The following ROR2 variants were observed in gnomAD, a reference collection of about 807,000 sequenced individuals.
ROR2 encodes the protein tyrosine-protein kinase transmembrane receptor ROR2.
ROR2 carries 33 observed loss-of-function variants against 74.9 expected under a neutral mutation model. That is an observed-to-expected ratio of 0.44 (90% confidence interval 0.33 to 0.59). The LOEUF is 0.59. Among genes scored for constraint, ROR2 ranks in the 20% least tolerant of loss-of-function variants. The probability of loss-of-function intolerance (pLI) is 0.02; values close to 1 mark genes in which losing one functional copy is unlikely to be tolerated. For synonymous variants in ROR2, 586 were observed against 558.7 expected, an observed-to-expected ratio of 1.05 and a Z score of -0.69; for missense variants, 1,216 against 1,313.8, an observed-to-expected ratio of 0.93 and a Z score of 1.15.
chr9:91,912,642 G>T (rs1831024935), intron 1 of ROR2, among the ~76,000 whole-genome samples: 1 of 152,114 alleles, frequency 6.6e-6, no homozygotes, highest in Non-Finnish European at 1.5e-5. Context: ...AAGCTTAAGT[G>T]TTTTGGGAAA....
intron 1 of ROR2, among the ~76,000 whole-genome samples, chr9:91,899,651 G>A (rs1162605316): frequency 2.0e-5 from 3 of 152,086 alleles, no homozygotes; most frequent in Admixed American, 2.0e-4. Flanking sequence ...GGAGGAGGGG[G>A]CAGCTGGGAC....
In ROR2 at chr9:91,724,829, G is replaced by A; in HGVS notation, c.1665C>T (p.Tyr555=). ...KDQPLSMIFS[Y]CSHGDLHEFL... ...ATTCGTGGAGGTCGCCGTGCGAACA[G>A]TAGCTGAAGATCATGCTCAGGGGCT... Residue 555 remains tyrosine, a synonymous_variant, in exon 9 of 9, where the codon TAC becomes TAT. Transcript: ENST00000375708. 6.2e-7 allele frequency: 1 copy of A among 1,606,086 alleles called. No homozygotes were observed. Among genetic ancestry groups the A allele is most frequent in the Non-Finnish European group, 8.5e-7 (1 of 1,174,782 alleles).
chr9:91,814,384 C>T (rs1167844277), intron 1 of ROR2, among the ~76,000 whole-genome samples: 4 of 152,170 alleles, frequency 2.6e-5, no homozygotes, highest in Non-Finnish European at 5.9e-5. Flanking sequence ...TCTAGCCTCC[C>T]CTTACCCCAC....
In ROR2 at chr9:91,926,251, C is replaced by T. The variant is rs562443693; in HGVS notation, c.97+23616G>A. ...AAAAAAAAATTAGCAGGGCATGTGG[C>T]GGGCGCCTGTAGTCCCAGCTACTTG... On this transcript the variant is annotated intron_variant, in intron 1 of 8. Transcript: ENST00000375708. 3.9e-4 allele frequency among the ~76,000 whole-genome samples: 59 copies of T among 151,478 alleles called. No individual in the cohort carries two copies. In the South Asian group the frequency reaches 9.0e-3, roughly 23 times the overall value.
chr9:91,792,365 T>TGG (rs1827019060), intron 1 of ROR2, among the ~76,000 whole-genome samples: 1 of 121,966 alleles, frequency 8.2e-6, no homozygotes, highest in Non-Finnish European at 1.7e-5. Context: ...TGGAGTGCAG[T>TGG]AGTGCAATCT....
chr9:91,892,323 C>A (rs1468754465), intron 1 of ROR2, among the ~76,000 whole-genome samples: 1 of 152,190 alleles, frequency 6.6e-6, no homozygotes, highest in East Asian at 1.9e-4. Context: ...ATTCTGCCAT[C>A]GTCTGCAGAA....
At chr9:91,835,720 C>A (rs965938968) in intron 1 of ROR2, among the ~76,000 whole-genome samples, 4 of 152,194 alleles carry the variant, frequency 2.6e-5, no homozygotes, top group African/African-American at 9.7e-5. Context: ...GGAAAAGCTA[C>A]CACTACTTGC....
intron 4 of ROR2, among the ~76,000 whole-genome samples, chr9:91,751,953 A>C (rs1825607668): frequency 6.6e-6 from 1 of 152,252 alleles, no homozygotes; most frequent in South Asian, 2.1e-4. Context: ...TATTCAGAGG[A>C]AACTTTACAG....
At chr9:91,759,436 G>C (rs1825850466) in intron 2 of ROR2, among the ~76,000 whole-genome samples, 2 of 152,144 alleles carry the variant, frequency 1.3e-5, no homozygotes, top group African/African-American at 4.8e-5. Flanking sequence ...AAAGCTGGAA[G>C]GTCACTAAAA....
chr9:91,932,020 C>A (rs1422429150), intron 1 of ROR2, among the ~76,000 whole-genome samples: 1 of 152,024 alleles, frequency 6.6e-6, no homozygotes, highest in Non-Finnish European at 1.5e-5. Context: ...CTGAATTTTC[C>A]AGAAATAACA....
At chr9:91,918,251 G>GAAC (rs1554692165) in intron 1 of ROR2, among the ~76,000 whole-genome samples, 41,839 of 148,838 alleles carry the variant, frequency 0.28, 9,943 homozygotes, top group African/African-American at 0.64. Flanking sequence ...CTGGGCGACA[G>GAAC]GAGACTCGTC....
intron 1 of ROR2, among the ~76,000 whole-genome samples, chr9:91,851,444 T>C (rs913715408): frequency 2.4e-4 from 36 of 152,194 alleles, no homozygotes; most frequent in African/African-American, 8.7e-4. Context: ...CTTCTTTTGA[T>C]CTATTTGTCT....
intron 1 of ROR2, among the ~76,000 whole-genome samples, chr9:91,863,678 G>A (rs10992142): frequency 0.36 from 55,232 of 151,874 alleles, 11,254 homozygotes; most frequent in African/African-American, 0.52. Flanking sequence ...GCACGACTCC[G>A]TTTATATGAA....
chr9:91,834,091 G>A (rs1200046898), intron 1 of ROR2, among the ~76,000 whole-genome samples: 6 of 152,164 alleles, frequency 3.9e-5, no homozygotes, highest in Non-Finnish European at 8.8e-5. Context: ...AGTAAAAACA[G>A]GTCTCGGGTT....
chr9:91,879,602 A>G (rs1830049835), intron 1 of ROR2, among the ~76,000 whole-genome samples: 1 of 151,956 alleles, frequency 6.6e-6, no homozygotes, highest in Non-Finnish European at 1.5e-5. Context: ...TTTGATATAC[A>G]CTCACGCACT....
chr9:91,891,928 G>C (rs938216517), intron 1 of ROR2, among the ~76,000 whole-genome samples: 9 of 151,954 alleles, frequency 5.9e-5, no homozygotes, highest in Non-Finnish European at 1.2e-4. Flanking sequence ...GACACCTGTA[G>C]TCCCAGCTAC....
At chr9:91,892,608 T>C (rs1371137597) in intron 1 of ROR2, among the ~76,000 whole-genome samples, 15 of 113,720 alleles carry the variant, frequency 1.3e-4, no homozygotes, top group Non-Finnish European at 2.4e-4. Context: ...TTTTTTTTTT[T>C]CAGATGGAGT....
Position 91,804,225 on chromosome 9 carries a change from C to G in ROR2, c.98-28407G>C, listed in dbSNP as rs1383744029. ...CTATCAAGGCTAGCAGCAGGAATGGCAGGCTCAGGAACTGGCAGGAGGGAA... is the reference window on the plus strand; with the variant it reads ...CTATCAAGGCTAGCAGCAGGAATGGGAGGCTCAGGAACTGGCAGGAGGGAA... On this transcript the variant is annotated intron_variant, in intron 1 of 8. Transcript: ENST00000375708. Among the ~76,000 whole-genome samples, 3 of 152,236 alleles carry G rather than the reference C, an allele frequency of 2.0e-5. No individual in the cohort carries two copies. The South Asian group carries it at 6.2e-4, about 32-fold the overall frequency.
At chr9:91,909,177 T>C (rs903650534) in intron 1 of ROR2, among the ~76,000 whole-genome samples, 3 of 152,250 alleles carry the variant, frequency 2.0e-5, no homozygotes, top group Non-Finnish European at 2.9e-5. Flanking sequence ...TGGGATCTCA[T>C]AGCATGGGTG....
Sources: gnomAD v4.1 joint callset for allele counts (sites outside exome capture counted in the v4.1 genomes callset) on GRCh38, gnomAD v4.1.1 for gene constraint, MANE v1.5 for transcripts, NCBI Gene and HGNC (gene_info 2026-07-23, HGNC 2026-07-21) for gene names.